The following MTUS2 variants were observed in gnomAD, a reference collection of about 807,000 sequenced individuals.
MTUS2 encodes microtubule associated scaffold protein 2, also known as microtubule-associated tumor suppressor candidate 2.
A neutral mutation model predicts 114.1 loss-of-function variants in MTUS2; 40 were observed. That is an observed-to-expected ratio of 0.35 (90% CI 0.27 to 0.46). MTUS2 has a LOEUF of 0.46. MTUS2 is among the 20% of genes least tolerant of loss of function. The pLI is 1.00. For missense variants in MTUS2, 1,679 were observed against 1,705.4 expected, an observed-to-expected ratio of 0.98 and a Z score of 0.27; for synonymous variants, 688 against 672.0, an observed-to-expected ratio of 1.02 and a Z score of -0.37.
intron 9 of MTUS2, among the ~76,000 whole-genome samples, chr13:29,457,617 G>T (rs1879213439): frequency 6.6e-6 from 1 of 151,974 alleles, no homozygotes; most frequent in South Asian, 2.1e-4. Context: ...CTTATTACAA[G>T]CCTTTTGTGG....
At chr13:29,318,825 C>A (rs2139664544) in intron 6 of MTUS2, among the ~76,000 whole-genome samples, 1 of 152,238 alleles carries the variant, frequency 6.6e-6, no homozygotes, top group East Asian at 1.9e-4. Context: ...CAGCACCCAC[C>A]CCTGTAGGCT....
At chr13:29,061,060 G>C (rs1888395903) in intron 4 of MTUS2, among the ~76,000 whole-genome samples, 2 of 151,820 alleles carry the variant, frequency 1.3e-5, no homozygotes, top group Non-Finnish European at 2.9e-5. Context: ...CAAAGTGCTG[G>C]GATTACCGAC....
chr13:28,959,250 G>A (rs1017456642), intron 2 of MTUS2, among the ~76,000 whole-genome samples: 20 of 152,334 alleles, frequency 1.3e-4, no homozygotes, highest in African/African-American at 4.8e-4. Context: ...CGGAAAAAGT[G>A]TGCCGCCACT....
chr13:28,898,917 A>C (rs1016948895), intron 2 of MTUS2, among the ~76,000 whole-genome samples: 5 of 152,172 alleles, frequency 3.3e-5, no homozygotes, highest in African/African-American at 1.2e-4. Context: ...GTGCTTAAGG[A>C]AAATAAAATA....
intron 9 of MTUS2, among the ~76,000 whole-genome samples, chr13:29,468,248 GCATATGGCA>G: frequency 6.6e-6 from 1 of 151,800 alleles, no homozygotes; most frequent in East Asian, 1.9e-4. Context: ...TTCTTCCAAA[GCATATGGCA>G]GAATAACAAT....
At chr13:29,016,925 T>A (rs1180477560) in intron 2 of MTUS2, among the ~76,000 whole-genome samples, 2 of 152,220 alleles carry the variant, frequency 1.3e-5, no homozygotes. Flanking sequence ...TACTTGTAAG[T>A]TTCATTTAGT....
intron 8 of MTUS2, among the ~76,000 whole-genome samples, chr13:29,391,289 CA>C (rs1345361137): frequency 6.6e-6 from 1 of 152,174 alleles, no homozygotes; most frequent in East Asian, 1.9e-4. Context: ...AGGGTTTCAC[CA>C]TGTTGGCCAG....
At chr13:29,177,915 G>A (rs918133124) in intron 5 of MTUS2, among the ~76,000 whole-genome samples, 1 of 152,140 alleles carries the variant, frequency 6.6e-6, no homozygotes, top group Non-Finnish European at 1.5e-5. Context: ...ATTCCCTGGT[G>A]CACTCTTGCT....
intron 9 of MTUS2, among the ~76,000 whole-genome samples, chr13:29,473,987 A>C (rs781764398): frequency 2.6e-5 from 4 of 152,130 alleles, no homozygotes; most frequent in Non-Finnish European, 4.4e-5. Context: ...AGGCAACAGG[A>C]TATTTATTTC....
intron 5 of MTUS2, among the ~76,000 whole-genome samples, chr13:29,260,348 C>T (rs1897423996): frequency 6.6e-6 from 1 of 152,174 alleles, no homozygotes; most frequent in African/African-American, 2.4e-5. Context: ...CAAGTTCAGT[C>T]CCATTCCCCA....
intron 2 of MTUS2, among the ~76,000 whole-genome samples, chr13:28,929,084 TTC>T (rs1881479140): frequency 6.6e-6 from 1 of 152,172 alleles, no homozygotes; most frequent in Non-Finnish European, 1.5e-5. Context: ...ATATCACATG[TTC>T]TCCCTCATAC....
At chr13:28,831,831 A>C (rs1197126469) in intron 1 of MTUS2, among the ~76,000 whole-genome samples, 1 of 151,706 alleles carries the variant, frequency 6.6e-6, no homozygotes, top group African/African-American at 2.4e-5. Flanking sequence ...ATCTTGGCTC[A>C]CTGCAACCTC....
chr13:29,416,660 G>A (rs929007482), intron 8 of MTUS2, among the ~76,000 whole-genome samples: 39 of 152,256 alleles, frequency 2.6e-4, no homozygotes, highest in African/African-American at 8.9e-4. Context: ...CACTTTGCCA[G>A]TAGCCTTGAT....
intron 2 of MTUS2, among the ~76,000 whole-genome samples, chr13:28,972,024 TA>T (rs1485747856): frequency 1.3e-5 from 2 of 152,232 alleles, no homozygotes; most frequent in East Asian, 1.9e-4. Context: ...GCTTTAGTAT[TA>T]ATGAGAACTT....
At chr13:29,259,399 A>G (rs564860552) in intron 5 of MTUS2, among the ~76,000 whole-genome samples, 1 of 152,336 alleles carries the variant, frequency 6.6e-6, no homozygotes, top group Admixed American at 6.5e-5. Context: ...GCAATATCAG[A>G]GTCATAAAAT....
At chr13:29,134,589 T>C (rs1343197163) in intron 5 of MTUS2, among the ~76,000 whole-genome samples, 1 of 152,234 alleles carries the variant, frequency 6.6e-6, no homozygotes, top group Non-Finnish European at 1.5e-5. Context: ...ATCTTCCTTC[T>C]GTATCACGCT....
intron 2 of MTUS2, among the ~76,000 whole-genome samples, chr13:28,968,354 T>G (rs1883695756): frequency 6.6e-6 from 1 of 152,224 alleles, no homozygotes; most frequent in South Asian, 2.1e-4. Flanking sequence ...ATGTATTCTG[T>G]TTCCCTACCT....
chr13:29,021,394 G>A (rs1010190024), intron 2 of MTUS2, among the ~76,000 whole-genome samples: 5 of 152,324 alleles, frequency 3.3e-5, no homozygotes, highest in South Asian at 2.1e-4. Flanking sequence ...CATTTATGAT[G>A]TAGTTCCTTA....
At chr13:29,454,681 T>C (rs1878976260) in intron 9 of MTUS2, among the ~76,000 whole-genome samples, 1 of 152,156 alleles carries the variant, frequency 6.6e-6, no homozygotes, top group African/African-American at 2.4e-5. Flanking sequence ...AAAGCCAAAA[T>C]TGTAATCAGT....
Sources: gnomAD v4.1 joint callset for allele counts (sites outside exome capture counted in the v4.1 genomes callset) on GRCh38, gnomAD v4.1.1 for gene constraint, MANE v1.5 for transcripts, NCBI Gene and HGNC (gene_info 2026-07-23, HGNC 2026-07-21) for gene names.